WASF3: variants seen among roughly 807,000 people sequenced by gnomAD.
The protein encoded by WASF3 is WASP family member 3, also known as actin-binding protein WASF3.
In WASF3, 11 loss-of-function variants were observed where a neutral mutation model predicts 46.6. The observed-to-expected ratio is 0.24, with a 90% CI of 0.15 to 0.39. The LOEUF (loss-of-function observed/expected upper bound fraction) is 0.39. Ranked by LOEUF, WASF3 falls within the 10% of genes least tolerant of loss-of-function variation. WASF3 has a pLI of 1.00. For missense variants in WASF3, 576 were observed against 669.8 expected (o/e 0.86, Z 1.55); for synonymous variants, 242 against 259.7 (o/e 0.93, Z 0.65).
intron 3 of WASF3, among the ~76,000 whole-genome samples, chr13:26,658,265 A>G (rs1446882280): frequency 6.6e-6 from 1 of 152,168 alleles, no homozygotes; most frequent in African/African-American, 2.4e-5. Flanking sequence ...ATTTTAAACT[A>G]TGAATGGTCA....
rs548451704 is a variant in WASF3 at position 26,557,704 on chromosome 13, T to C, written c.-224T>C. 5.8e-6 allele frequency: 1 copy of C among 172,318 alleles called. No individual in the cohort carries two copies. Among genetic ancestry groups the C allele is most frequent in the South Asian group, 1.8e-4 (1 of 5,520 alleles). 10.7% of individuals were successfully genotyped at this position (172,318 alleles called of 1,614,324 possible). ...GGCCGTGGACGGGCCGGAGGCGGCGTCGCTCGCGCCGCTGCGTGCGGTGTG... is the reference window on the plus strand; with the variant it reads ...GGCCGTGGACGGGCCGGAGGCGGCGCCGCTCGCGCCGCTGCGTGCGGTGTG... On this transcript the variant is annotated 5_prime_UTR_variant, in exon 1 of 10. Transcript: ENST00000335327.
chr13:26,544,683 G>T, the WASF3 span, among the ~76,000 whole-genome samples: 1 of 152,158 alleles, frequency 6.6e-6, no homozygotes, highest in Admixed American at 6.5e-5. Flanking sequence ...TGTTTCCCTG[G>T]TGCTGTATTG....
intron 1 of WASF3, among the ~76,000 whole-genome samples, chr13:26,611,738 C>T (rs1212601736): frequency 6.6e-6 from 1 of 152,100 alleles, no homozygotes; most frequent in Non-Finnish European, 1.5e-5. Flanking sequence ...GCATGCAGTA[C>T]AGCTGCTCTG....
intron 1 of WASF3, among the ~76,000 whole-genome samples, chr13:26,597,012 T>C (rs1880488250): frequency 2.0e-5 from 3 of 152,252 alleles, no homozygotes. Context: ...ACTAAGTCTT[T>C]TAGTACATTT....
rs1451456206 is a variant in WASF3 at position 26,557,742 on chromosome 13, T to G, written c.-186T>G. 4.7e-6 allele frequency: 1 copy of G among 214,632 alleles called. No individual in the cohort carries two copies. The highest frequency in any genetic ancestry group is 9.0e-6 in the Non-Finnish European group (1 of 110,602). The allele number at this position is 214,632 out of a possible 1,614,324, so 13.3% of individuals were successfully genotyped here. On this transcript the variant is annotated 5_prime_UTR_variant, in exon 1 of 10. Coordinates refer to ENST00000335327, the MANE Select transcript of WASF3 (RefSeq NM_006646.6). ...TGCGTGCGGTGTGGTGCGAGGCGGGTGCGCCGGGCGGCCGCGGCGCGGCGG... is the reference window on the plus strand; with the variant it reads ...TGCGTGCGGTGTGGTGCGAGGCGGGGGCGCCGGGCGGCCGCGGCGCGGCGG...
At chr13:26,652,087 G>T (rs555608584) in intron 3 of WASF3, among the ~76,000 whole-genome samples, 2 of 152,244 alleles carry the variant, frequency 1.3e-5, no homozygotes, top group African/African-American at 2.4e-5. Flanking sequence ...TCTTTAAATA[G>T]AAACATTTTA....
At chr13:26,614,360 A>T (rs1881070690) in intron 2 of WASF3, among the ~76,000 whole-genome samples, 1 of 152,216 alleles carries the variant, frequency 6.6e-6, no homozygotes, top group Non-Finnish European at 1.5e-5. Context: ...AGTATCACAT[A>T]CCCAAGAAAT....
rs190123774 is a variant in WASF3 at position 26,604,852 on chromosome 13, A to G, written c.-108-8109A>G. Among the ~76,000 whole-genome samples, 29 of 152,346 alleles carry G rather than the reference A, an allele frequency of 1.9e-4. No individual in the cohort carries two copies. In the East Asian group the frequency reaches 2.5e-3, roughly 13 times the overall value. On this transcript the variant is annotated intron_variant, in intron 1 of 9. Coordinates refer to ENST00000335327, the MANE Select transcript of WASF3 (RefSeq NM_006646.6). ...TGTTTTTGTAATCTTTGTGGGGTCA[A>G]GAGCAACAGAAAGTGCCAAAAGATC... is the stretch of plus-strand genomic sequence containing the variant.
intron 1 of WASF3, among the ~76,000 whole-genome samples, chr13:26,579,585 C>T (rs1879916530): frequency 1.3e-5 from 2 of 152,016 alleles, no homozygotes; most frequent in South Asian, 4.2e-4. Flanking sequence ...GTCACTTTGC[C>T]TAGTTTACTA....
In WASF3 at chr13:26,633,327, C is replaced by T. The variant is rs185111614; in HGVS notation, c.-10-8934C>T. Among the ~76,000 whole-genome samples, 728 of 151,276 alleles carry T rather than the reference C, an allele frequency of 4.8e-3. 2 individuals carry two copies. The highest frequency in any genetic ancestry group is 0.01 in the Middle Eastern group (3 of 294). ...AAGCAATTCTCCTGCCTCAGCCTCCCGAGTAGCTGGGATTACAGGCATGTG... is the reference window on the plus strand; with the variant it reads ...AAGCAATTCTCCTGCCTCAGCCTCCTGAGTAGCTGGGATTACAGGCATGTG... On this transcript the variant is annotated intron_variant, in intron 2 of 9. Coordinates refer to ENST00000335327, the MANE Select transcript of WASF3 (RefSeq NM_006646.6).
intron 1 of WASF3, among the ~76,000 whole-genome samples, chr13:26,592,165 T>C (rs1327211664): frequency 6.6e-6 from 1 of 152,170 alleles, no homozygotes; most frequent in Non-Finnish European, 1.5e-5. Context: ...CAAAGTGATT[T>C]ATTTAACTAA....
intron 2 of WASF3, among the ~76,000 whole-genome samples, chr13:26,632,501 C>T (rs1345159144): frequency 6.6e-6 from 1 of 152,154 alleles, no homozygotes; most frequent in African/African-American, 2.4e-5. Flanking sequence ...TTGAACCAGC[C>T]TTGCATCCCA....
chr13:26,579,418 G>C (rs150038436), intron 1 of WASF3, among the ~76,000 whole-genome samples: 36 of 152,238 alleles, frequency 2.4e-4, no homozygotes, highest in African/African-American at 7.0e-4. Flanking sequence ...TATTTTAATA[G>C]TCCATGAAAT....
rs539233246 is a variant in WASF3 at position 26,602,289 on chromosome 13, A to C, written c.-108-10672A>C. On this transcript the variant is annotated intron_variant, in intron 1 of 9. Transcript: ENST00000335327. ...TGCCACTGATTAAATGATTACTGCT[A>C]CTTAATTAATTGGAGATAGAATTTG... Among the ~76,000 whole-genome samples the C allele has an allele frequency of 5.3e-5, 8 of 152,326 alleles. No homozygotes were observed. The South Asian group carries it at 1.7e-3, about 32-fold the overall frequency.
At chr13:26,672,134 CAATT>C (rs1882940982) in intron 6 of WASF3, 145 bp downstream of exon 6, 1 of 642,866 alleles carries the variant, frequency 1.6e-6, no homozygotes, top group Non-Finnish European at 2.7e-6. Flanking sequence ...AAGATCCTGA[CAATT>C]CAGTCAAACA....
chr13:26,658,604 A>G (rs1882534756), intron 3 of WASF3, among the ~76,000 whole-genome samples: 1 of 152,228 alleles, frequency 6.6e-6, no homozygotes, highest in South Asian at 2.1e-4. Flanking sequence ...TTGAGCAGGA[A>G]GCATTTGTTG....
intron 1 of WASF3, among the ~76,000 whole-genome samples, chr13:26,578,066 CA>C (rs1173860587): frequency 6.6e-6 from 1 of 152,144 alleles, no homozygotes; most frequent in African/African-American, 2.4e-5. Context: ...AATTGACTAG[CA>C]AGACAATTTT....
At chr13:26,590,408 G>A (rs182914424) in intron 1 of WASF3, among the ~76,000 whole-genome samples, 5 of 152,108 alleles carry the variant, frequency 3.3e-5, no homozygotes, top group Admixed American at 1.3e-4. Context: ...AAAGAAACCC[G>A]AAAGAAGGTG....
intron 1 of WASF3, among the ~76,000 whole-genome samples, chr13:26,579,215 T>A (rs1317840891): frequency 6.6e-6 from 1 of 151,778 alleles, no homozygotes; most frequent in East Asian, 1.9e-4. Context: ...CTGCTGAGGC[T>A]GGTCTTGAAC....
Sources: gnomAD v4.1 joint callset for allele counts (sites outside exome capture counted in the v4.1 genomes callset) on GRCh38, gnomAD v4.1.1 for gene constraint, MANE v1.5 for transcripts, NCBI Gene and HGNC (gene_info 2026-07-23, HGNC 2026-07-21) for gene names.